Variants in AFDN observed in about 807,000 individuals in gnomAD.
AFDN encodes afadin, adherens junction formation factor, also known as afadin.
A neutral mutation model predicts 216.6 loss-of-function variants in AFDN; 68 were observed. The observed-to-expected ratio is 0.31, with a 90% CI of 0.26 to 0.38. The LOEUF (loss-of-function observed/expected upper bound fraction) is 0.38. AFDN is among the 10% of genes least tolerant of loss of function. AFDN has a pLI of 1.00. For synonymous variants in AFDN, 868 were observed against 853.7 expected (o/e 1.02, Z -0.29); for missense variants, 2,136 against 2,342.0 (o/e 0.91, Z 1.82).
At position 167,864,754 on chromosome 6, in the gene AFDN, T is replaced by C. The variant is rs1305097673; in HGVS notation, c.301+8T>C. The C allele has an allele frequency of 6.2e-7, 1 of 1,613,788 alleles. No individual in the cohort carries two copies. Among genetic ancestry groups the C allele is most frequent in the Admixed American group, 1.7e-5 (1 of 60,016 alleles). On this transcript the variant is annotated splice_region_variant and intron_variant, in intron 2 of 33. Coordinates refer to ENST00000683244, the MANE Select transcript of AFDN (RefSeq NM_001386888.1). ...AAGTGCATGTCAGCGGAGGTCAGTG[T>C]ATACAGGAAGGGTTTGCTAGAGGCA...
chr6:167,950,157 G>A (rs1409050561), intron 29 of AFDN, among the ~76,000 whole-genome samples: 1 of 152,196 alleles, frequency 6.6e-6, no homozygotes, highest in South Asian at 2.1e-4. Flanking sequence ...ATTTTTCTGT[G>A]AGACTACTGC....
intron 32 of AFDN, among the ~76,000 whole-genome samples, chr6:167,967,716 C>T (rs1250507472): frequency 3.3e-5 from 5 of 152,084 alleles, no homozygotes; most frequent in African/African-American, 4.8e-5. Context: ...AGGTCATAGC[C>T]GACATCTGAT....
At position 167,898,380 on chromosome 6, in the gene AFDN, A is replaced by G; in HGVS notation, c.1493A>G (p.Lys498Arg). The change falls in exon 11 of 34, where the codon AAG becomes AGG. Residue 498 changes from lysine to arginine, a missense_variant. This residue lies in a region of AFDN where 817 missense variants were observed against 965.7 expected (regional missense o/e 0.85). Transcript: ENST00000683244. ...CAGTTTGGGGCGTCCCATGTATTTA[A>G]GTTTGTGGACCCCAGTCAGGATCAT... ...KVQFGASHVF[K>R]FVDPSQDHAL... 1 of 1,614,196 alleles carries G rather than the reference A, an allele frequency of 6.2e-7. No individual in the cohort carries two copies. The highest frequency in any genetic ancestry group is 8.5e-7 in the Non-Finnish European group (1 of 1,180,012).
intron 1 of AFDN, among the ~76,000 whole-genome samples, chr6:167,842,348 G>A (rs1370836827): frequency 6.6e-6 from 1 of 151,906 alleles, no homozygotes; most frequent in Non-Finnish European, 1.5e-5. Context: ...AGGACAGTGT[G>A]TATTGTAATG....
chr6:167,869,809 A>G (rs1209324808), intron 2 of AFDN, among the ~76,000 whole-genome samples: 2 of 152,234 alleles, frequency 1.3e-5, no homozygotes, highest in East Asian at 3.8e-4. Flanking sequence ...TACTTTACAT[A>G]AGAAAAGTGA....
At chr6:167,860,032 G>A (rs1016417335) in intron 1 of AFDN, among the ~76,000 whole-genome samples, 1 of 151,836 alleles carries the variant, frequency 6.6e-6, no homozygotes, top group Non-Finnish European at 1.5e-5. Context: ...AGCATTGTAC[G>A]CTGACTGTAC....
intron 21 of AFDN, among the ~76,000 whole-genome samples, chr6:167,922,497 T>C (rs1446893263): frequency 2.6e-5 from 4 of 152,204 alleles, no homozygotes; most frequent in African/African-American, 9.7e-5. Context: ...TTCCCTTTGC[T>C]AAGTAGGTAT....
chr6:167,893,911 T>C lies in AFDN; in HGVS notation c.1222+5T>C. Reference sequence around the variant, plus strand: ...ACAACTATCACACTTACGAAGGTAATGCTATGCTTACTACTACTTTTATAA... The same window carrying C: ...ACAACTATCACACTTACGAAGGTAACGCTATGCTTACTACTACTTTTATAA... On this transcript the variant is annotated splice_donor_5th_base_variant and intron_variant, in intron 9 of 33. Coordinates refer to ENST00000683244, the MANE Select transcript of AFDN (RefSeq NM_001386888.1). The C allele has an allele frequency of 1.3e-6, 2 of 1,576,474 alleles. No homozygotes were observed. Among genetic ancestry groups the C allele is most frequent in the Non-Finnish European group, 1.7e-6 (2 of 1,157,118 alleles).
rs1788518669 is a variant in AFDN, at chr6:167,898,220, A to G, written c.1333A>G (p.Ile445Val). 1 of 1,613,912 alleles carries G rather than the reference A, an allele frequency of 6.2e-7. No homozygotes were observed. Among genetic ancestry groups the G allele is most frequent in the Non-Finnish European group, 8.5e-7 (1 of 1,179,924 alleles). ...CGGTTTCCAGTTGTTTGGCCCAGGA[A>G]TTCAGCCCCATCACTGTGACCTTAC... ...DNSIQLFGPG[I>V]QPHHCDLTNM... The change falls in exon 11 of 34, where the codon ATT becomes GTT. Residue 445 changes from isoleucine to valine, a missense_variant. Transcript: ENST00000683244.
intron 12 of AFDN, among the ~76,000 whole-genome samples, chr6:167,905,439 T>C (rs1024009455): frequency 6.6e-5 from 10 of 152,192 alleles, no homozygotes; most frequent in Non-Finnish European, 7.3e-5. Context: ...AAAGAAGACT[T>C]GGTAAATAGA....
At chr6:167,890,765 C>G in intron 7 of AFDN, 97 bp from the exon 8 acceptor site, 1 of 1,140,632 alleles carries the variant, frequency 8.8e-7, no homozygotes, top group Non-Finnish European at 1.3e-6. Flanking sequence ...AAATTACATG[C>G]ATCTTTTTGA....
chr6:167,948,315 C>G lies in AFDN; in HGVS notation c.3668C>G (p.Pro1223Arg), dbSNP rs1216437626. 1.5e-5 allele frequency: 25 copies of G among 1,613,808 alleles called. No homozygotes were observed. The highest frequency in any genetic ancestry group is 2.1e-5 in the Non-Finnish European group (25 of 1,179,900). ...CTEEQTPPPR[P>R]EAYPIPTQTY... ...CAGGAGCAGACGCCTCCGCCTAGAC[C>G]TGAAGCCTACCCCATCCCCACTCAG... is the stretch of plus-strand genomic sequence containing the variant. The change falls in exon 29 of 34, where the codon CCT (proline) becomes CGT (arginine). Residue 1223 changes from proline (P) to arginine (R), a missense_variant. This residue lies in a region of AFDN where 981 missense variants were observed against 966.0 expected (regional missense o/e 1.02). Transcript: ENST00000683244.
At chr6:167,838,986 T>A (rs1028262907) in intron 1 of AFDN, among the ~76,000 whole-genome samples, 24 of 152,226 alleles carry the variant, frequency 1.6e-4, no homozygotes, top group African/African-American at 5.3e-4. Flanking sequence ...CGGTTTAATG[T>A]AGCGTTTGCC....
intron 7 of AFDN, among the ~76,000 whole-genome samples, chr6:167,889,849 C>T (rs1184612950): frequency 1.3e-5 from 2 of 152,144 alleles, no homozygotes; most frequent in East Asian, 3.8e-4. Context: ...TGGTATCTAC[C>T]AGTAGTAGAA....
chr6:167,940,224 A>T (rs1377087469), intron 23 of AFDN, among the ~76,000 whole-genome samples: 1 of 151,978 alleles, frequency 6.6e-6, no homozygotes, highest in East Asian at 1.9e-4. Context: ...TGTAGGGGTG[A>T]GGGTGGAAAC....
At chr6:167,917,265 C>A in intron 20 of AFDN, 33 bp downstream of exon 20, 2 of 1,469,106 alleles carry the variant, frequency 1.4e-6, no homozygotes, top group Non-Finnish European at 9.0e-7. Context: ...CCACACAGTG[C>A]GGGACATGTT....
intron 4 of AFDN, 28 bp downstream of exon 4, chr6:167,872,405 T>C: frequency 6.3e-7 from 1 of 1,585,208 alleles, no homozygotes; most frequent in Non-Finnish European, 8.5e-7. Context: ...ATGTTCCCCT[T>C]TCTTTGTGCT....
intron 1 of AFDN, among the ~76,000 whole-genome samples, chr6:167,857,061 T>TA (rs1431378930): frequency 6.6e-6 from 1 of 152,116 alleles, no homozygotes; most frequent in Non-Finnish European, 1.5e-5. Context: ...ACTCACACTG[T>TA]AAAAAACTGA....
intron 2 of AFDN, among the ~76,000 whole-genome samples, chr6:167,865,584 C>T (rs1007215628): frequency 2.0e-5 from 3 of 152,222 alleles, no homozygotes; most frequent in South Asian, 4.2e-4. Flanking sequence ...CTGCACTCCA[C>T]CCTGGGTGAC....
Sources: gnomAD v4.1 joint callset for allele counts (sites outside exome capture counted in the v4.1 genomes callset) on GRCh38, gnomAD v4.1.1 for gene constraint, gnomAD v4.1.1 regional missense constraint, MANE v1.5 for transcripts, NCBI Gene and HGNC (gene_info 2026-07-23, HGNC 2026-07-21) for gene names.